Variants in CDH13 observed in about 807,000 individuals in gnomAD.
CDH13 encodes cadherin 13.
In CDH13, 24 loss-of-function variants were observed where a neutral mutation model predicts 63.8. The observed-to-expected ratio is 0.38, with a 90% confidence interval of 0.27 to 0.53. CDH13 has a LOEUF of 0.53. CDH13 is among the 20% of genes least tolerant of loss of function. The pLI is 0.85. For missense variants in CDH13, 1,049 were observed against 903.1 expected, an observed-to-expected ratio of 1.16 and a Z score of -2.07; for synonymous variants, 503 against 355.3, an observed-to-expected ratio of 1.42 and a Z score of -4.67.
chr16:83,259,994 C>G (rs374349863), intron 5 of CDH13, among the ~76,000 whole-genome samples: 12 of 151,796 alleles, frequency 7.9e-5, no homozygotes, highest in African/African-American at 2.2e-4. Flanking sequence ...GTGGCTCTCT[C>G]GGAAGAATTT....
chr16:82,903,524 C>T (rs941932546), intron 2 of CDH13, among the ~76,000 whole-genome samples: 1 of 152,214 alleles, frequency 6.6e-6, no homozygotes, highest in Non-Finnish European at 1.5e-5. Flanking sequence ...GCCACCCACC[C>T]TGCCATTATC....
At chr16:83,754,780 C>A (rs1020385160) in intron 11 of CDH13, among the ~76,000 whole-genome samples, 1 of 152,148 alleles carries the variant, frequency 6.6e-6, no homozygotes, top group African/African-American at 2.4e-5. Context: ...ACTGTACATT[C>A]AATTAAACCT....
rs74034229 is a variant in CDH13, at chr16:83,506,885, C to G, written c.960+20230C>G. Among the ~76,000 whole-genome samples the G allele has an allele frequency of 3.3e-3, 508 of 152,262 alleles. 1 individual carries two copies. The highest frequency in any genetic ancestry group is 0.012 in the African/African-American group (484 of 41,532). ...CACCTTGGAAGTAGACCTTCTAGCC[C>G]CCATCAAGCTTTTAGATAACTGTAG... On this transcript the variant is annotated intron_variant, in intron 7 of 13. Coordinates refer to ENST00000567109, the MANE Select transcript of CDH13 (RefSeq NM_001257.5).
At chr16:83,490,645 T>C (rs1408497995) in intron 7 of CDH13, among the ~76,000 whole-genome samples, 3 of 152,202 alleles carry the variant, frequency 2.0e-5, no homozygotes, top group Non-Finnish European at 4.4e-5. Context: ...GGCTTGCCCA[T>C]GACCTATTGC....
intron 2 of CDH13, among the ~76,000 whole-genome samples, chr16:82,939,210 G>A (rs960903297): frequency 6.6e-6 from 1 of 152,184 alleles, no homozygotes; most frequent in African/African-American, 2.4e-5. Flanking sequence ...GATCACCTGA[G>A]CTCAGGGGTT....
At chr16:83,554,102 T>C (rs2075559757) in intron 7 of CDH13, among the ~76,000 whole-genome samples, 2 of 152,208 alleles carry the variant, frequency 1.3e-5, no homozygotes, top group Admixed American at 1.3e-4. Context: ...TAGACCTCAA[T>C]GTAGCAGTGC....
rs1245099963 is a variant in CDH13, at chr16:83,031,871, G to C, written c.158-139G>C. The stretch of plus-strand genomic sequence containing the variant: ...AAAGTCACTTGGGCACAGGCATCTT[G>C]CTGTGGGATAAAACGTAACATTTGT... On this transcript the variant is annotated intron_variant, in intron 2 of 13. Transcript: ENST00000567109. The C allele has an allele frequency of 7.4e-6, 5 of 676,304 alleles. No individual in the cohort carries two copies. The African/African-American group carries it at 9.0e-5, about 12-fold the overall frequency. The allele number at this position is 676,304 out of a possible 1,614,324, so 41.9% of individuals were successfully genotyped here.
intron 1 of CDH13, among the ~76,000 whole-genome samples, chr16:82,649,429 G>T (rs900144671): frequency 6.6e-6 from 1 of 152,178 alleles, no homozygotes; most frequent in African/African-American, 2.4e-5. Flanking sequence ...GGAAGTGGCA[G>T]ATAGTCTTAG....
At chr16:83,038,650 G>C (rs977385938) in intron 3 of CDH13, among the ~76,000 whole-genome samples, 3 of 152,150 alleles carry the variant, frequency 2.0e-5, no homozygotes, top group Non-Finnish European at 4.4e-5. Flanking sequence ...AGGGGTCTGC[G>C]TGTGTGTGTT....
chr16:83,211,477 A>C (rs1158602198), intron 4 of CDH13, among the ~76,000 whole-genome samples: 1 of 152,224 alleles, frequency 6.6e-6, no homozygotes, highest in Non-Finnish European at 1.5e-5. Flanking sequence ...AACCACTCAA[A>C]GCTGCTATAT....
intron 5 of CDH13, among the ~76,000 whole-genome samples, chr16:83,265,239 C>A (rs1391656657): frequency 6.6e-6 from 1 of 152,084 alleles, no homozygotes. Context: ...GGCCATCAAA[C>A]TGGGAACTCT....
At chr16:83,748,292 T>C (rs775989343) in intron 11 of CDH13, 42 bp downstream of exon 11, 1 of 1,533,478 alleles carries the variant, frequency 6.5e-7, no homozygotes, top group South Asian at 1.2e-5. Context: ...ACTTTTCTGC[T>C]ACAAATATAC....
At chr16:83,215,389 A>ATT (rs1304329737) in intron 4 of CDH13, among the ~76,000 whole-genome samples, 1 of 151,666 alleles carries the variant, frequency 6.6e-6, no homozygotes, top group East Asian at 1.9e-4. Flanking sequence ...CACATAGTTT[A>ATT]TTTTTAATTT....
At chr16:83,500,135 A>G (rs900407823) in intron 7 of CDH13, among the ~76,000 whole-genome samples, 3 of 151,686 alleles carry the variant, frequency 2.0e-5, no homozygotes, top group Non-Finnish European at 2.9e-5. Context: ...AAGCAGTTGT[A>G]TCAGTGGTCG....
chr16:83,726,807 C>T (rs1412228075), intron 10 of CDH13, among the ~76,000 whole-genome samples: 4 of 146,796 alleles, frequency 2.7e-5, no homozygotes, highest in African/African-American at 7.7e-5. Context: ...CACTGCGCTC[C>T]AGCCTGGGGC....
chr16:82,976,106 G>T (rs902753488), intron 2 of CDH13, among the ~76,000 whole-genome samples: 1 of 152,210 alleles, frequency 6.6e-6, no homozygotes, highest in African/African-American at 2.4e-5. Context: ...AGGGAGACAA[G>T]AAAAGTATTT....
chr16:83,525,676 C>A (rs2074944349), intron 7 of CDH13, among the ~76,000 whole-genome samples: 3 of 152,092 alleles, frequency 2.0e-5, no homozygotes, highest in Admixed American at 2.0e-4. Context: ...ACTATGTTGC[C>A]TACCTGAGGG....
rs553048529 is a variant in CDH13, at chr16:83,588,156, C to G, written c.961-14298C>G. 3.3e-5 allele frequency among the ~76,000 whole-genome samples: 5 copies of G among 152,298 alleles called. No homozygotes were observed. The South Asian group carries it at 8.3e-4, about 25-fold the overall frequency. On this transcript the variant is annotated intron_variant, in intron 7 of 13. Transcript: ENST00000567109. ...CAGCTCCAAAGCAGCCACAGCCTCCCTCTGCATAGACACCTCTCCAAAGGA... is the reference window on the plus strand; with the variant it reads ...CAGCTCCAAAGCAGCCACAGCCTCCGTCTGCATAGACACCTCTCCAAAGGA...
chr16:82,963,471 A>G (rs939733960), intron 2 of CDH13, among the ~76,000 whole-genome samples: 3 of 152,104 alleles, frequency 2.0e-5, no homozygotes, highest in South Asian at 2.1e-4. Flanking sequence ...CCTACGTCCT[A>G]TGGTTTCACC....
Sources: allele counts gnomAD v4.1 joint callset (sites outside exome capture counted in the v4.1 genomes callset), GRCh38; gene constraint gnomAD v4.1.1; transcripts MANE v1.5; gene names NCBI Gene and HGNC (gene_info 2026-07-23, HGNC 2026-07-21).